The following SLC25A37 variants were observed in gnomAD, a reference collection of about 807,000 sequenced individuals.
The protein encoded by SLC25A37 is solute carrier family 25 member 37, also known as mitoferrin-1.
In SLC25A37, 17 loss-of-function variants were observed where a neutral mutation model predicts 31.0. The ratio of observed to expected loss-of-function variants is 0.55; its 90% confidence interval spans 0.38 to 0.82. SLC25A37 has a LOEUF of 0.82. Among genes scored for constraint, SLC25A37 ranks in the 40% least tolerant of loss-of-function variants. The pLI is 0.00. For missense variants in SLC25A37, 404 were observed against 465.8 expected, an observed-to-expected ratio of 0.87 and a Z score of 1.22; for synonymous variants, 222 against 193.0, an observed-to-expected ratio of 1.15 and a Z score of -1.24.
At chr8:23,537,678 T>C (rs572746185) in intron 1 of SLC25A37, among the ~76,000 whole-genome samples, 2 of 152,270 alleles carry the variant, frequency 1.3e-5, no homozygotes, top group South Asian at 4.2e-4. Context: ...GGGAACACAG[T>C]TTTCAAAGTG....
At position 23,529,014 on chromosome 8, in the gene SLC25A37, C is replaced by T. The variant is rs1337145010; in HGVS notation, c.12C>T (p.Arg4=). 2 of 1,530,916 alleles carry T rather than the reference C, an allele frequency of 1.3e-6. No individual in the cohort carries two copies. Among genetic ancestry groups the T allele is most frequent in the Middle Eastern group, 1.7e-4 (1 of 5,800 alleles). 94.8% of individuals were successfully genotyped at this position (1,530,916 alleles called of 1,614,324 possible). MEL[R]SGSVGSQAVA... ...CGCCGAGCTGGCGGATGGAGCTGCG[C>T]AGCGGGAGCGTGGGCAGCCAGGCGG... The change falls in exon 1 of 4, where the codon CGC becomes CGT. Residue 4 remains arginine (R), a synonymous_variant. Coordinates refer to ENST00000519973, the MANE Select transcript of SLC25A37 (RefSeq NM_016612.4). This position sits in a 1 kb window ranked among gnomAD's most constrained non-coding sequence, Gnocchi z 4.1.
At chr8:23,553,648 G>A (rs190769640) in intron 1 of SLC25A37, among the ~76,000 whole-genome samples, 47 of 152,302 alleles carry the variant, frequency 3.1e-4, no homozygotes, top group Middle Eastern at 3.4e-3. Context: ...CTGACGGAGT[G>A]CCAGGCTTTC....
chr8:23,551,431 G>T (rs1802222020), intron 1 of SLC25A37, among the ~76,000 whole-genome samples: 1 of 152,096 alleles, frequency 6.6e-6, no homozygotes, highest in African/African-American at 2.4e-5. Flanking sequence ...TGCTCAGGTG[G>T]TCCTGCCACA....
At chr8:23,570,088 G>C (rs1207437370) in intron 3 of SLC25A37, among the ~76,000 whole-genome samples, 1 of 152,098 alleles carries the variant, frequency 6.6e-6, no homozygotes, top group African/African-American at 2.4e-5. Flanking sequence ...TTGGGAGGTG[G>C]GCGGGGAGTC....
chr8:23,540,178 A>G (rs955744798), intron 1 of SLC25A37, among the ~76,000 whole-genome samples: 10 of 152,224 alleles, frequency 6.6e-5, no homozygotes, highest in Non-Finnish European at 1.2e-4. Flanking sequence ...CTCATTTCAT[A>G]TTTGAGAAAA....
chr8:23,562,792 C>T (rs1318407011), intron 1 of SLC25A37, among the ~76,000 whole-genome samples: 1 of 152,184 alleles, frequency 6.6e-6, no homozygotes, highest in Non-Finnish European at 1.5e-5. Context: ...TGCCCAGGGT[C>T]ACACCATGAG....
At chr8:23,550,213 A>G (rs1802187495) in intron 1 of SLC25A37, among the ~76,000 whole-genome samples, 1 of 135,868 alleles carries the variant, frequency 7.4e-6, no homozygotes, top group Non-Finnish European at 1.5e-5. Context: ...ACAAAAAAAC[A>G]AAAACCCGCT....
intron 1 of SLC25A37, among the ~76,000 whole-genome samples, chr8:23,548,433 C>T (rs1336638698): frequency 7.3e-5 from 11 of 150,880 alleles, no homozygotes; most frequent in Non-Finnish European, 1.6e-4. Context: ...CCGCCTTGGC[C>T]TCCCAAAGTG....
At position 23,572,024 on chromosome 8, in the gene SLC25A37, C is replaced by A; in HGVS notation, c.*169C>A. 2 of 743,000 alleles carry A rather than the reference C, an allele frequency of 2.7e-6. No individual in the cohort carries two copies. The highest frequency in any genetic ancestry group is 2.2e-6 in the Non-Finnish European group (1 of 464,076). The allele number at this position is 743,000 out of a possible 1,614,324, so 46.0% of individuals were successfully genotyped here. On this transcript the variant is annotated 3_prime_UTR_variant, in exon 4 of 4. Coordinates refer to ENST00000519973, the MANE Select transcript of SLC25A37 (RefSeq NM_016612.4). ...GACGGCACGGCCGCTCACCGGAAGG[C>A]TGTGTGCGGGGACATCCGAGGTGGT...
intron 1 of SLC25A37, among the ~76,000 whole-genome samples, chr8:23,535,952 G>A (rs1268195899): frequency 6.6e-6 from 1 of 152,202 alleles, no homozygotes; most frequent in Non-Finnish European, 1.5e-5. Flanking sequence ...TTCAAGATGA[G>A]ATTTGAGTGG....
chr8:23,548,698 G>A (rs544846689), intron 1 of SLC25A37, among the ~76,000 whole-genome samples: 35 of 151,816 alleles, frequency 2.3e-4, no homozygotes, highest in Admixed American at 7.9e-4. Flanking sequence ...TCAAATTCCC[G>A]ACCTCAGGTG....
At chr8:23,558,154 G>T (rs967236648) in intron 1 of SLC25A37, among the ~76,000 whole-genome samples, 1 of 152,220 alleles carries the variant, frequency 6.6e-6, no homozygotes, top group Non-Finnish European at 1.5e-5. Context: ...AACATGGAAA[G>T]TTTTTTATTT....
Position 23,573,926 on chromosome 8 carries a change from C to A in SLC25A37, c.*2071C>A, listed in dbSNP as rs1184765907. 1 of 445,962 alleles carries A rather than the reference C, an allele frequency of 2.2e-6. No individual in the cohort carries two copies. Among genetic ancestry groups the A allele is most frequent in the African/African-American group, 2.0e-5 (1 of 49,914 alleles). 27.6% of individuals were successfully genotyped at this position (445,962 alleles called of 1,614,324 possible). Reference sequence around the variant, plus strand: ...AAAATGTTTACATCTCCGCTCTCAACCTGCCTTGGGTTCGTGTTAAATGGT... The same window carrying A: ...AAAATGTTTACATCTCCGCTCTCAAACTGCCTTGGGTTCGTGTTAAATGGT... On this transcript the variant is annotated 3_prime_UTR_variant, in exon 4 of 4. Coordinates refer to ENST00000519973, the MANE Select transcript of SLC25A37 (RefSeq NM_016612.4).
At chr8:23,564,823 ATCTGTCTG>A (rs560663383) in intron 1 of SLC25A37, among the ~76,000 whole-genome samples, 6 of 151,560 alleles carry the variant, frequency 4.0e-5, no homozygotes, top group East Asian at 1.9e-4. Context: ...CTCTATCTAT[ATCTGTCTG>A]TCTGTCTGTC....
At chr8:23,559,950 C>G (rs530204278) in intron 1 of SLC25A37, among the ~76,000 whole-genome samples, 1 of 152,194 alleles carries the variant, frequency 6.6e-6, no homozygotes, top group Non-Finnish European at 1.5e-5. Flanking sequence ...GTTTTTTCCC[C>G]TCTCTGATCC....
Position 23,542,506 on chromosome 8 carries a change from A to G in SLC25A37, c.210+13294A>G, listed in dbSNP as rs117008871. Reference sequence around the variant, plus strand: ...CGATTCTCCTGCCTCAGCTTCCCAGAGTAGCTGAGATTACAGGCATGCACC... The same window carrying G: ...CGATTCTCCTGCCTCAGCTTCCCAGGGTAGCTGAGATTACAGGCATGCACC... On this transcript the variant is annotated intron_variant, in intron 1 of 3. Transcript: ENST00000519973. Among the ~76,000 whole-genome samples the G allele has an allele frequency of 8.6e-4, 130 of 150,886 alleles. No individual in the cohort carries two copies. In the East Asian group the frequency reaches 0.018, roughly 21 times the overall value.
chr8:23,556,802 C>G (rs1242031530), intron 1 of SLC25A37, among the ~76,000 whole-genome samples: 1 of 152,120 alleles, frequency 6.6e-6, no homozygotes, highest in African/African-American at 2.4e-5. Flanking sequence ...CTGCTCTGCT[C>G]TTGCCTGCGA....
At chr8:23,544,299 G>A (rs1372780637) in intron 1 of SLC25A37, among the ~76,000 whole-genome samples, 1 of 152,194 alleles carries the variant, frequency 6.6e-6, no homozygotes, top group Non-Finnish European at 1.5e-5. Context: ...CAGCCTAGGT[G>A]TGCGGTAGCT....
chr8:23,537,519 G>C (rs1319513799), intron 1 of SLC25A37, among the ~76,000 whole-genome samples: 1 of 152,180 alleles, frequency 6.6e-6, no homozygotes, highest in Non-Finnish European at 1.5e-5. Flanking sequence ...GTCAGCCATG[G>C]CTGGTCCTGC....
Sources: allele counts gnomAD v4.1 joint callset (sites outside exome capture counted in the v4.1 genomes callset), GRCh38; gene constraint gnomAD v4.1.1; non-coding constraint Gnocchi (gnomAD v3.1); transcripts MANE v1.5; gene names NCBI Gene and HGNC (gene_info 2026-07-23, HGNC 2026-07-21).